FGF13: variants seen among roughly 807,000 people sequenced by gnomAD.
FGF13 encodes fibroblast growth factor homologous factor 2.
In FGF13, 2 loss-of-function variants were observed where a neutral mutation model predicts 19.5. The ratio of observed to expected loss-of-function variants is 0.10; its 90% CI spans 0.04 to 0.32. The LOEUF is 0.32. Among genes scored for constraint, FGF13 ranks in the 10% least tolerant of loss-of-function variants. The pLI is 1.00. For synonymous variants in FGF13, 72 were observed against 76.9 expected (o/e 0.94, Z 0.33); for missense variants, 113 against 192.7 (o/e 0.59, Z 2.45).
chrX:139,141,791 G>A (rs2083847695), intron 1 of FGF13, among the ~76,000 whole-genome samples: 1 of 112,191 alleles, frequency 8.9e-6, no homozygotes, highest in Non-Finnish European at 1.9e-5. Flanking sequence ...CCATTAACAT[G>A]GAGACCATAT....
chrX:138,811,034 T>C (rs753285399), intron 3 of FGF13, among the ~76,000 whole-genome samples: 34 of 112,315 alleles, frequency 3.0e-4, no homozygotes, highest in Admixed American at 8.5e-4. Flanking sequence ...GAAGACAGTG[T>C]GGCGATTCCT....
At chrX:139,116,025 C>G (rs1569454639) in intron 1 of FGF13, among the ~76,000 whole-genome samples, 1 of 112,466 alleles carries the variant, frequency 8.9e-6, no homozygotes, top group Non-Finnish European at 1.9e-5. Flanking sequence ...TCTCCAGGAT[C>G]ACTTCTGTGA....
intron 1 of FGF13, among the ~76,000 whole-genome samples, chrX:139,197,086 C>T (rs756952094): frequency 8.9e-6 from 1 of 112,058 alleles, no homozygotes; most frequent in Non-Finnish European, 1.9e-5. Context: ...TATCACAGTG[C>T]CTTCTGATAT....
chrX:138,970,645 A>AC (rs2091911970), intron 1 of FGF13, among the ~76,000 whole-genome samples: 1 of 111,115 alleles, frequency 9.0e-6, no homozygotes, highest in African/African-American at 3.3e-5. Flanking sequence ...CACCAGGGGG[A>AC]CCCACGATAT....
intron 1 of FGF13, among the ~76,000 whole-genome samples, chrX:138,946,354 A>G (rs1176235259): frequency 1.8e-5 from 2 of 111,919 alleles, no homozygotes; most frequent in Non-Finnish European, 3.8e-5. Context: ...ATCCCACTGG[A>G]CATTTGAAAC....
chrX:138,735,139 T>C, intron 1 of FGF13, among the ~76,000 whole-genome samples: 1 of 112,245 alleles, frequency 8.9e-6, no homozygotes, highest in African/African-American at 3.2e-5. Context: ...TCATATTAGC[T>C]AGTATTAGAG....
intron 1 of FGF13, among the ~76,000 whole-genome samples, chrX:138,873,301 G>A (rs758832821): frequency 1.1e-4 from 12 of 111,330 alleles, no homozygotes; most frequent in African/African-American, 3.6e-4. Context: ...AGGGAGTGCC[G>A]GTTTGGTCCT....
chrX:138,905,947 G>A (rs2091556007), intron 1 of FGF13, among the ~76,000 whole-genome samples: 1 of 111,734 alleles, frequency 8.9e-6, no homozygotes, highest in East Asian at 2.8e-4. Context: ...TCTGGTTGGA[G>A]TTTATAATGA....
At chrX:138,904,996 C>T (rs547357107) in intron 1 of FGF13, among the ~76,000 whole-genome samples, 39 of 111,662 alleles carry the variant, frequency 3.5e-4, no homozygotes, top group African/African-American at 1.3e-3. Flanking sequence ...TCTCAGTTAA[C>T]TCACAGTAAA....
intron 3 of FGF13, among the ~76,000 whole-genome samples, chrX:138,748,639 CTT>C (rs1408913378): frequency 5.4e-5 from 6 of 111,822 alleles, no homozygotes; most frequent in Non-Finnish European, 1.1e-4. Flanking sequence ...GCATATACAA[CTT>C]TGCCATTTCT....
At chrX:139,130,050 G>C (rs2083749528) in intron 1 of FGF13, among the ~76,000 whole-genome samples, 1 of 112,222 alleles carries the variant, frequency 8.9e-6, no homozygotes, top group African/African-American at 3.2e-5. Context: ...ACTAACAAAA[G>C]ATTGAACAAA....
At chrX:138,779,841 C>T (rs2090623703) in intron 3 of FGF13, among the ~76,000 whole-genome samples, 1 of 105,474 alleles carries the variant, frequency 9.5e-6, no homozygotes, top group Admixed American at 1.0e-4. Context: ...CCGAGAAGAG[C>T]AACTCCAAGA....
At chrX:139,119,989 C>A (rs888074812) in intron 1 of FGF13, among the ~76,000 whole-genome samples, 4 of 111,848 alleles carry the variant, frequency 3.6e-5, no homozygotes, top group African/African-American at 9.7e-5. Context: ...GGGAGATGAT[C>A]GGATCATGGG....
chrX:138,684,813 G>T (rs995628257), intron 3 of FGF13, among the ~76,000 whole-genome samples: 1 of 110,977 alleles, frequency 9.0e-6, no homozygotes, highest in African/African-American at 3.3e-5. Flanking sequence ...GCCCAAACAG[G>T]GTATGTGGTC....
At chrX:138,814,053 A>G (rs1382311488) in intron 3 of FGF13, among the ~76,000 whole-genome samples, 1 of 110,469 alleles carries the variant, frequency 9.1e-6, no homozygotes, top group Non-Finnish European at 1.9e-5. Flanking sequence ...TATTTTTCTT[A>G]ATTTACATTT....
upstream of FGF13, among the ~76,000 whole-genome samples, chrX:138,740,304 TA>T (rs1447216795): frequency 2.7e-5 from 3 of 111,788 alleles, no homozygotes; most frequent in Admixed American, 2.9e-4. Context: ...ATTGAAGAAT[TA>T]CCAACACCCA....
chrX:138,752,545 TTAG>T (rs1330753679), intron 3 of FGF13, among the ~76,000 whole-genome samples: 12 of 112,665 alleles, frequency 1.1e-4, no homozygotes, highest in African/African-American at 3.2e-4. Flanking sequence ...ATGAAATATA[TTAG>T]TAGATATATA....
At chrX:138,674,839 G>C (rs1465350740) in intron 3 of FGF13, among the ~76,000 whole-genome samples, 1 of 111,186 alleles carries the variant, frequency 9.0e-6, no homozygotes, top group African/African-American at 3.3e-5. Context: ...AGATGGCAGA[G>C]CACTTAAGAA....
chrX:138,867,865 T>C (rs1031749556), intron 1 of FGF13, among the ~76,000 whole-genome samples: 3 of 110,122 alleles, frequency 2.7e-5, no homozygotes, highest in African/African-American at 9.9e-5. Context: ...AAGTAGTAAC[T>C]GAAGCTGAAT....
Sources: allele counts gnomAD v4.1 joint callset (sites outside exome capture counted in the v4.1 genomes callset), GRCh38; gene constraint gnomAD v4.1.1; transcripts MANE v1.5; gene names NCBI Gene and HGNC (gene_info 2026-07-23, HGNC 2026-07-21).